Variants in TOGARAM2 observed in about 807,000 individuals in gnomAD.
TOGARAM2 encodes TOG array regulator of axonemal microtubules 2.
TOGARAM2 carries 85 observed loss-of-function variants against 93.3 expected under a neutral mutation model. The ratio of observed to expected loss-of-function variants is 0.91; its 90% CI spans 0.76 to 1.09. TOGARAM2 has a LOEUF of 1.09. Ranked by LOEUF, TOGARAM2 falls within the 50% of genes least tolerant of loss-of-function variation. The probability of loss-of-function intolerance (pLI) is 0.00; values close to 1 mark genes in which losing one functional copy is unlikely to be tolerated. For missense variants in TOGARAM2, 1,277 were observed against 1,334.5 expected (o/e 0.96, Z 0.67); for synonymous variants, 593 against 552.8 (o/e 1.07, Z -1.02).
chr2:28,995,540 T>C (rs2148271003), intron 2 of TOGARAM2, among the ~76,000 whole-genome samples: 1 of 152,188 alleles, frequency 6.6e-6, no homozygotes, highest in East Asian at 1.9e-4. Context: ...GACATATGAA[T>C]CGGAAAAGAC....
chr2:29,021,726 CCATA>C, intron 10 of TOGARAM2, among the ~76,000 whole-genome samples: 2 of 152,268 alleles, frequency 1.3e-5, no homozygotes, highest in African/African-American at 4.8e-5. Context: ...GAGGCGCTGA[CCATA>C]CAGGCCTCTG....
chr2:28,983,691 C>T (rs993116241), intron 1 of TOGARAM2, among the ~76,000 whole-genome samples: 1 of 152,122 alleles, frequency 6.6e-6, no homozygotes, highest in Non-Finnish European at 1.5e-5. Context: ...AATTGCTGAA[C>T]ATTAGGTTTG....
In TOGARAM2 at chr2:28,999,281, T is replaced by A; in HGVS notation, c.240T>A (p.Pro80=). The A allele has an allele frequency of 6.2e-6, 10 of 1,613,850 alleles. No individual in the cohort carries two copies. The highest frequency in any genetic ancestry group is 8.5e-6 in the Non-Finnish European group (10 of 1,179,800). Residue 80 remains proline, a synonymous_variant, in exon 4 of 20, where the codon CCT becomes CCA. Coordinates refer to ENST00000379558, the MANE Select transcript of TOGARAM2 (RefSeq NM_199280.4). ...GQLGGLKLDT[P]SKGWQARNGH... ...TGGGTGGCCTCAAGCTGGACACCCC[T>A]TCCAAGGGCTGGCAGGCAAGGAATG...
At chr2:29,002,319 A>G (rs1350224753) in intron 4 of TOGARAM2, among the ~76,000 whole-genome samples, 2 of 152,160 alleles carry the variant, frequency 1.3e-5, no homozygotes, top group Non-Finnish European at 2.9e-5. Flanking sequence ...TGAATTCTAA[A>G]CAGGTAACTT....
intron 7 of TOGARAM2, 25 bp from the exon 8 acceptor site, chr2:29,014,370 T>G (rs1223368421): frequency 3.1e-6 from 5 of 1,605,922 alleles, no homozygotes. Flanking sequence ...TGTCTTCAGC[T>G]CCACCCCTGT....
At chr2:29,045,518 C>A (rs1471783587) in intron 19 of TOGARAM2, 108 bp downstream of exon 19, 1 of 934,948 alleles carries the variant, frequency 1.1e-6, no homozygotes, top group Non-Finnish European at 1.7e-6. Context: ...AATAATCCCC[C>A]CCAATCATTT....
chr2:29,011,467 G>T lies in TOGARAM2; in HGVS notation c.843G>T (p.Gly281=). The T allele has an allele frequency of 6.2e-7, 1 of 1,609,264 alleles. No individual in the cohort carries two copies. Among genetic ancestry groups the T allele is most frequent in the Non-Finnish European group, 8.5e-7 (1 of 1,178,206 alleles). The part of the protein sequence containing the change: ...LRAPRTRLAR[G]SGPREKTPAS... ...CCGTTCTTTTAAGATTGGCTCGGGGGAGTGGGCCTCGGGAGAAGACCCCTG... is the reference window on the plus strand; with the variant it reads ...CCGTTCTTTTAAGATTGGCTCGGGGTAGTGGGCCTCGGGAGAAGACCCCTG... Residue 281 remains glycine, a synonymous_variant, in exon 7 of 20, where the codon GGG becomes GGT. Coordinates refer to ENST00000379558, the MANE Select transcript of TOGARAM2 (RefSeq NM_199280.4).
rs375055980 is a variant in TOGARAM2 at position 29,022,329 on chromosome 2, C to T, written c.1511+21C>T. On this transcript the variant is annotated intron_variant, in intron 11 of 19. Transcript: ENST00000379558. Reference sequence around the variant, plus strand: ...GACTGGTGAGGAGATGCTTCCACCACGTGCTGTGTTCTGGCCGGAAGCAGG... The same window carrying T: ...GACTGGTGAGGAGATGCTTCCACCATGTGCTGTGTTCTGGCCGGAAGCAGG... 183 of 1,613,134 alleles carry T rather than the reference C, an allele frequency of 1.1e-4. No homozygotes were observed. The African/African-American group carries it at 1.7e-3, about 15-fold the overall frequency.
In TOGARAM2 at chr2:29,036,684, C is replaced by T. The variant is rs1291816622; in HGVS notation, c.2562C>T (p.Asp854=). 1 of 1,614,020 alleles carries T rather than the reference C, an allele frequency of 6.2e-7. No individual in the cohort carries two copies. The highest frequency in any genetic ancestry group is 1.1e-5 in the South Asian group (1 of 91,076). Residue 854 remains aspartate (D), a synonymous_variant, in exon 18 of 20, where the codon GAC becomes GAT. Coordinates refer to ENST00000379558, the MANE Select transcript of TOGARAM2 (RefSeq NM_199280.4). ...TCTCCATCATCATCACTGTTGCAGA[C>T]AACCTCAACTCCAAGAACTCAGGGA... The part of the protein sequence containing the change: ...MLLSIIITVA[D]NLNSKNSGIY...
intron 1 of TOGARAM2, among the ~76,000 whole-genome samples, chr2:28,982,846 C>T (rs1043484684): frequency 5.9e-5 from 9 of 152,288 alleles, no homozygotes; most frequent in Admixed American, 4.6e-4. Context: ...AACAGAAAAA[C>T]TGGCCGCCTC....
intron 1 of TOGARAM2, among the ~76,000 whole-genome samples, chr2:28,963,070 T>G (rs1382334423): frequency 6.6e-6 from 1 of 151,902 alleles, no homozygotes; most frequent in Non-Finnish European, 1.5e-5. Flanking sequence ...TCACGTGATC[T>G]TCCCACCTCA....
At chr2:29,009,270 C>A (rs779028156) in intron 6 of TOGARAM2, among the ~76,000 whole-genome samples, 7 of 152,170 alleles carry the variant, frequency 4.6e-5, no homozygotes, top group African/African-American at 1.4e-4. Context: ...TGCATCCTTG[C>A]GTGACAGCCT....
At chr2:29,024,978 A>G (rs1031516680) in intron 13 of TOGARAM2, among the ~76,000 whole-genome samples, 1 of 152,120 alleles carries the variant, frequency 6.6e-6, no homozygotes, top group African/African-American at 2.4e-5. Context: ...CTGTCATTAA[A>G]CACCCACACT....
Position 29,014,414 on chromosome 2 carries a change from A to G in TOGARAM2, c.897A>G (p.Ser299=), listed in dbSNP as rs563804150. Residue 299 remains serine (S), a synonymous_variant, in exon 8 of 20, where the codon TCA becomes TCG. Coordinates refer to ENST00000379558, the MANE Select transcript of TOGARAM2 (RefSeq NM_199280.4). ...PASLEPKPLA[S]PIRDRPAAAK... ...CCTCAGAGCCAAAACCTTTGGCCTC[A>G]CCCATCAGAGACAGGCCTGCCGCTG... 6.8e-6 allele frequency: 11 copies of G among 1,608,142 alleles called. No individual in the cohort carries two copies. Among genetic ancestry groups the G allele is most frequent in the Admixed American group, 1.7e-5 (1 of 59,296 alleles).
chr2:29,045,842 A>G (rs1666712152), intron 19 of TOGARAM2: 1 of 261,154 alleles, frequency 3.8e-6, no homozygotes, highest in African/African-American at 2.3e-5. Flanking sequence ...TCTGGTACCA[A>G]ACATTTTAGA....
chr2:29,021,561 C>T (rs112374103), intron 10 of TOGARAM2, among the ~76,000 whole-genome samples: 98 of 152,300 alleles, frequency 6.4e-4, no homozygotes, highest in Admixed American at 4.9e-3. Context: ...CTAGAAAACA[C>T]GACAACCTGT....
intron 6 of TOGARAM2, among the ~76,000 whole-genome samples, chr2:29,004,796 G>A (rs1029194815): frequency 6.6e-6 from 1 of 151,912 alleles, no homozygotes; most frequent in African/African-American, 2.4e-5. Flanking sequence ...GTGTCTGAGT[G>A]TGTCTGAGTG....
At chr2:28,978,828 C>G (rs1436887472), upstream of TOGARAM2, among the ~76,000 whole-genome samples, 1 of 152,098 alleles carries the variant, frequency 6.6e-6, no homozygotes, top group Non-Finnish European at 1.5e-5. Flanking sequence ...ACACTGGGCA[C>G]TGGAGGAGAC....
At chr2:29,007,559 T>TAGTG (rs1457747166) in intron 6 of TOGARAM2, among the ~76,000 whole-genome samples, 1 of 152,114 alleles carries the variant, frequency 6.6e-6, no homozygotes, top group African/African-American at 2.4e-5. Context: ...CCTCCCCTAA[T>TAGTG]AGTGCCTAGC....
Sources: allele counts gnomAD v4.1 joint callset (sites outside exome capture counted in the v4.1 genomes callset), GRCh38; gene constraint gnomAD v4.1.1; transcripts MANE v1.5; gene names NCBI Gene and HGNC (gene_info 2026-07-23, HGNC 2026-07-21).